AGR2: variants seen among roughly 807,000 people sequenced by gnomAD.
The protein encoded by AGR2 is anterior gradient protein 2 homolog.
Under a neutral mutation model 25.9 loss-of-function variants are expected in AGR2, and 27 were observed. The observed-to-expected ratio is 1.04, with a 90% CI of 0.77 to 1.44. The LOEUF is 1.44. Ranked by LOEUF, AGR2 falls within the 40% of genes most tolerant of loss-of-function variation. The pLI, the probability that AGR2 is intolerant of heterozygous loss-of-function variation, is 0.00. For synonymous variants in AGR2, 78 were observed against 72.0 expected, an observed-to-expected ratio of 1.08 and a Z score of -0.42; for missense variants, 182 against 200.9, an observed-to-expected ratio of 0.91 and a Z score of 0.57.
intron 7 of AGR2, among the ~76,000 whole-genome samples, chr7:16,793,648 G>T (rs1784997226): frequency 6.6e-6 from 1 of 152,196 alleles, no homozygotes; most frequent in Admixed American, 6.5e-5. Context: ...AGTGCTTTAT[G>T]CAGATGAATT....
At chr7:16,802,038 A>G (rs186540158) in intron 1 of AGR2, among the ~76,000 whole-genome samples, 62 of 151,772 alleles carry the variant, frequency 4.1e-4, no homozygotes, top group Non-Finnish European at 7.2e-4. Context: ...AAATATTGCA[A>G]GTCAAAATGC....
At position 16,801,762 on chromosome 7, in the gene AGR2, A is replaced by G; in HGVS notation, c.35T>C (p.Leu12Pro). 3 of 1,611,946 alleles carry G rather than the reference A, an allele frequency of 1.9e-6. No individual in the cohort carries two copies. The highest frequency in any genetic ancestry group is 2.5e-6 in the Non-Finnish European group (3 of 1,178,784). Residue 12 changes from leucine to proline, a missense_variant, in exon 2 of 8, where the codon CTT (leucine) becomes CCT (proline). Physicochemically the swap from Leu to Pro is moderately conservative, Grantham distance 98. Coordinates refer to ENST00000419304, the MANE Select transcript of AGR2 (RefSeq NM_006408.4). The part of the protein sequence containing the change: ...EKIPVSAFLL[L>P]VALSYTLARD... ...GGCCAGAGTGTAGGAGAGGGCCACAAGGAGCAAGAATGCTGACACTGGAAT... is the reference window on the plus strand; with the variant it reads ...GGCCAGAGTGTAGGAGAGGGCCACAGGGAGCAAGAATGCTGACACTGGAAT...
chr7:16,804,388 C>G (rs1438501540), intron 1 of AGR2, among the ~76,000 whole-genome samples: 1 of 152,088 alleles, frequency 6.6e-6, no homozygotes, highest in Non-Finnish European at 1.5e-5. Flanking sequence ...TTTAGTGTCC[C>G]TATTTGTAGA....
chr7:16,792,995 C>A, intron 7 of AGR2, 38 bp from the exon 8 acceptor site: 1 of 1,580,542 alleles, frequency 6.3e-7, no homozygotes, highest in Non-Finnish European at 8.7e-7. Context: ...AAGACACCAT[C>A]GTGCGTTATA....
rs995908551 is a variant in AGR2, at chr7:16,791,904, A to G, written c.*1004T>C. 4 of 152,298 alleles carry G rather than the reference A, an allele frequency of 2.6e-5. No individual in the cohort carries two copies. The highest frequency in any genetic ancestry group is 2.0e-4 in the Admixed American group (3 of 15,286). 9.4% of individuals were successfully genotyped at this position (152,298 alleles called of 1,614,324 possible). A position where few individuals can be genotyped will look rare whatever the true frequency, so the allele number is the denominator to read the frequency against. ...TACAGCACCATAGTCCAGGGGCCAA[A>G]GAAATCAGGAGGGGCTGGGCAGTAG... is the stretch of plus-strand genomic sequence containing the variant. On this transcript the variant is annotated 3_prime_UTR_variant, in exon 8 of 8. Transcript: ENST00000419304.
chr7:16,800,397 C>T (rs1428970335), intron 4 of AGR2, among the ~76,000 whole-genome samples: 2 of 152,136 alleles, frequency 1.3e-5, no homozygotes, highest in Non-Finnish European at 2.9e-5. Flanking sequence ...GGAGGAACAG[C>T]ACGAAGGCCA....
intron 6 of AGR2, among the ~76,000 whole-genome samples, chr7:16,796,871 C>T (rs950193750): frequency 1.3e-5 from 2 of 151,778 alleles, no homozygotes; most frequent in Non-Finnish European, 2.9e-5. Flanking sequence ...ATGAAAAGTA[C>T]CAGTGGCAGG....
chr7:16,797,171 G>C (rs1006980085), intron 6 of AGR2, among the ~76,000 whole-genome samples: 2 of 152,006 alleles, frequency 1.3e-5, no homozygotes, highest in African/African-American at 2.4e-5. Context: ...CAAGTGATCT[G>C]CCGGCCTTGG....
At chr7:16,803,074 A>G (rs922778612) in intron 1 of AGR2, 1 of 152,154 alleles carries the variant, frequency 6.6e-6, no homozygotes, top group Non-Finnish European at 1.5e-5. Context: ...ACCTCAAGTG[A>G]TCCTCCTGCC....
At chr7:16,797,745 T>C in intron 5 of AGR2, 51 bp from the exon 6 acceptor site, 1 of 1,514,596 alleles carries the variant, frequency 6.6e-7, no homozygotes, top group Non-Finnish European at 9.1e-7. Flanking sequence ...TTTCAGTCGT[T>C]TTCAAACTTG....
intron 1 of AGR2, chr7:16,803,262 AAGTGAGTTG>A (rs961653529): frequency 2.0e-5 from 3 of 152,144 alleles, no homozygotes; most frequent in Admixed American, 2.0e-4. Flanking sequence ...GGAGGGAGCA[AAGTGAGTTG>A]CTCTAGCAAG....
chr7:16,801,880 CG>C, intron 1 of AGR2, 77 bp from the exon 2 acceptor site: 1 of 1,322,800 alleles, frequency 7.6e-7, no homozygotes, highest in South Asian at 1.4e-5. Context: ...TGCCCCACAA[CG>C]GTGGAATATA....
chr7:16,797,712 G>A lies in AGR2; in HGVS notation c.331-18C>T, dbSNP rs1785073222. On this transcript the variant is annotated intron_variant, in intron 5 of 7. Transcript: ENST00000419304. ...GTTTCATACTAAAATAAAAAGAAAA[G>A]CATCTTTTAGTTTACTTTGACTTTT... The A allele has an allele frequency of 6.2e-7, 1 of 1,604,690 alleles. No homozygotes were observed. Among genetic ancestry groups the A allele is most frequent in the East Asian group, 2.2e-5 (1 of 44,810 alleles).
chr7:16,798,387 A>G (rs1239169862), intron 5 of AGR2, among the ~76,000 whole-genome samples: 1 of 152,166 alleles, frequency 6.6e-6, no homozygotes, highest in Non-Finnish European at 1.5e-5. Context: ...ATTTTCTCCT[A>G]TGGCCAAGTG....
rs77438148 is a variant in AGR2, at chr7:16,799,437, A to T, written c.330+307T>A. 617 of 268,896 alleles carry T rather than the reference A, an allele frequency of 2.3e-3. 12 individuals carry two copies. The East Asian group carries it at 0.04, about 17-fold the overall frequency. 16.7% of individuals were successfully genotyped at this position (268,896 alleles called of 1,614,324 possible). On this transcript the variant is annotated intron_variant, in intron 5 of 7. Transcript: ENST00000419304. ...GATGACCAGGATTAAGAATGGGTGT[A>T]GAGAAGCCAGGACTATAGAGGGACA...
At chr7:16,800,405 C>T (rs190590139) in intron 4 of AGR2, among the ~76,000 whole-genome samples, 13 of 152,152 alleles carry the variant, frequency 8.5e-5, no homozygotes, top group Middle Eastern at 3.4e-3. Context: ...AGCACGAAGG[C>T]CAGGCTGGAG....
chr7:16,799,692 T>G, intron 5 of AGR2, 52 bp downstream of exon 5: 2 of 1,347,156 alleles, frequency 1.5e-6, no homozygotes, highest in Non-Finnish European at 1.1e-6. Flanking sequence ...AATCATCCAT[T>G]TCAAGTAATG....
At position 16,801,845 on chromosome 7, in the gene AGR2, C is replaced by G. The variant is rs193250771; in HGVS notation, c.-7-42G>C. Reference sequence around the variant, plus strand: ...ACCAAAATCAGTAAACAAAATTGAACTAGCAGTCTTCAGGGTCTGCAGGTT... The same window carrying G: ...ACCAAAATCAGTAAACAAAATTGAAGTAGCAGTCTTCAGGGTCTGCAGGTT... On this transcript the variant is annotated intron_variant, in intron 1 of 7. Coordinates refer to ENST00000419304, the MANE Select transcript of AGR2 (RefSeq NM_006408.4). 128 of 1,574,214 alleles carry G rather than the reference C, an allele frequency of 8.1e-5. 1 individual carries two copies. In the Admixed American group the frequency reaches 2.2e-3, roughly 27 times the overall value.
intron 5 of AGR2, 32 bp downstream of exon 5, chr7:16,799,712 G>A (rs371645198): frequency 2.6e-6 from 4 of 1,515,402 alleles, no homozygotes; most frequent in Non-Finnish European, 3.7e-6. Context: ...GAGCCATAGA[G>A]AAATGTTAGT....
Sources: gnomAD v4.1 joint callset for allele counts (sites outside exome capture counted in the v4.1 genomes callset) on GRCh38, gnomAD v4.1.1 for gene constraint, MANE v1.5 for transcripts, NCBI Gene and HGNC (gene_info 2026-07-23, HGNC 2026-07-21) for gene names.